KIAA1217: variants seen among roughly 807,000 people sequenced by gnomAD.
The protein encoded by KIAA1217 is KIAA1217, also known as sickle tail protein homolog.
KIAA1217 carries 88 observed loss-of-function variants against 163.9 expected under a neutral mutation model. The observed-to-expected ratio is 0.54, with a 90% CI of 0.45 to 0.64. The LOEUF (loss-of-function observed/expected upper bound fraction) is 0.64. Ranked by LOEUF, KIAA1217 falls within the 30% of genes least tolerant of loss-of-function variation. The probability of loss-of-function intolerance (pLI) is 0.00; values close to 1 mark genes in which losing one functional copy is unlikely to be tolerated. For synonymous variants in KIAA1217, 903 were observed against 923.1 expected (o/e 0.98, Z 0.39); for missense variants, 2,372 against 2,475.0 (o/e 0.96, Z 0.88).
chr10:23,970,250 T>A (rs1219666994), intron 1 of KIAA1217, among the ~76,000 whole-genome samples: 1 of 152,212 alleles, frequency 6.6e-6, no homozygotes, highest in Non-Finnish European at 1.5e-5. Context: ...TCTTAGGGAT[T>A]TATAGTTTTA....
chr10:24,001,998 C>G (rs1461023061), intron 1 of KIAA1217, among the ~76,000 whole-genome samples: 1 of 152,070 alleles, frequency 6.6e-6, no homozygotes, highest in Non-Finnish European at 1.5e-5. Flanking sequence ...TAAGCAACTG[C>G]CAGTAGTTCA....
At chr10:24,533,384 T>G in intron 16 of KIAA1217, 147 bp downstream of exon 16, 2 of 725,704 alleles carry the variant, frequency 2.8e-6, no homozygotes, top group Non-Finnish European at 4.1e-6. Flanking sequence ...TAGCCTTTGC[T>G]TTCCCAAGAT....
chr10:24,396,259 C>T (rs2055733873), intron 3 of KIAA1217, among the ~76,000 whole-genome samples: 1 of 152,038 alleles, frequency 6.6e-6, no homozygotes, highest in South Asian at 2.1e-4. Context: ...ATCACTTGAG[C>T]CCGGGAAGCG....
intron 9 of KIAA1217, 81 bp from the exon 10 acceptor site, chr10:24,513,178 G>A: frequency 1.5e-6 from 2 of 1,344,396 alleles, no homozygotes; most frequent in Non-Finnish European, 1.0e-6. Context: ...TACCCAAAGT[G>A]CTCCGAAGAC....
intron 1 of KIAA1217, among the ~76,000 whole-genome samples, chr10:23,966,698 G>C (rs1248741583): frequency 6.6e-6 from 1 of 152,218 alleles, no homozygotes; most frequent in Non-Finnish European, 1.5e-5. Context: ...CAGAGAAAGA[G>C]GAAGAAGACT....
At chr10:24,412,123 A>G (rs997956253) in intron 3 of KIAA1217, among the ~76,000 whole-genome samples, 14 of 151,982 alleles carry the variant, frequency 9.2e-5, no homozygotes, top group African/African-American at 3.1e-4. Flanking sequence ...TGTGATTTTT[A>G]TGTTTGTTAT....
chr10:24,134,266 A>G (rs1189396569), intron 2 of KIAA1217, among the ~76,000 whole-genome samples: 1 of 152,216 alleles, frequency 6.6e-6, no homozygotes, highest in African/African-American at 2.4e-5. Context: ...GCATTTTAGC[A>G]GAGCAAACAT....
chr10:24,516,053 A>G (rs1222921627), intron 10 of KIAA1217, among the ~76,000 whole-genome samples: 3 of 152,278 alleles, frequency 2.0e-5, no homozygotes, highest in African/African-American at 4.8e-5. Flanking sequence ...CATGGATATC[A>G]GAGCAAGACT....
intron 2 of KIAA1217, among the ~76,000 whole-genome samples, chr10:24,282,823 C>CTTTTTTT (rs34486953): frequency 6.5e-5 from 3 of 46,236 alleles, no homozygotes; most frequent in African/African-American, 1.8e-4. Flanking sequence ...GGTGTTGCTT[C>CTTTTTTT]TTTTTTTTTT....
At chr10:23,706,129 A>C (rs1836869721) in intron 1 of KIAA1217, among the ~76,000 whole-genome samples, 1 of 152,012 alleles carries the variant, frequency 6.6e-6, no homozygotes. Context: ...TTGCTAAACA[A>C]ATTTATTTGT....
Position 23,806,647 on chromosome 10 carries a change from A to G in KIAA1217, c.-321+111413A>G, listed in dbSNP as rs553408469. ...TCCTCTGTCATCTCTTCTAGGAATAATGATTTTTTGCTAGCCTAGTTGAAT... is the reference window on the plus strand; with the variant it reads ...TCCTCTGTCATCTCTTCTAGGAATAGTGATTTTTTGCTAGCCTAGTTGAAT... On this transcript the variant is annotated intron_variant, in intron 1 of 18. Transcript: ENST00000376462. Among the ~76,000 whole-genome samples the G allele has an allele frequency of 1.2e-4, 18 of 152,308 alleles. No individual in the cohort carries two copies. In the East Asian group the frequency reaches 3.3e-3, roughly 28 times the overall value.
chr10:24,165,672 AC>A (rs1361794999), intron 2 of KIAA1217, among the ~76,000 whole-genome samples: 1 of 152,222 alleles, frequency 6.6e-6, no homozygotes, highest in Non-Finnish European at 1.5e-5. Flanking sequence ...CCAAGTGACC[AC>A]AAGTTTATAG....
At chr10:23,698,097 C>T (rs1467964483) in intron 1 of KIAA1217, among the ~76,000 whole-genome samples, 1 of 152,134 alleles carries the variant, frequency 6.6e-6, no homozygotes, top group Non-Finnish European at 1.5e-5. Flanking sequence ...ATTGTAATTA[C>T]ATGATTTAAT....
At chr10:24,405,539 T>G (rs1460502245) in intron 3 of KIAA1217, among the ~76,000 whole-genome samples, 3 of 152,156 alleles carry the variant, frequency 2.0e-5, no homozygotes, top group Non-Finnish European at 4.4e-5. Flanking sequence ...CTAAAAGTCC[T>G]CCTATTTTCT....
chr10:24,524,227 T>G, intron 12 of KIAA1217, 96 bp from the exon 13 acceptor site: 1 of 1,307,268 alleles, frequency 7.6e-7, no homozygotes, highest in South Asian at 1.3e-5. Context: ...TTGGGATGTG[T>G]GACTCTCACC....
chr10:23,869,905 G>T (rs1366560232), intron 1 of KIAA1217, among the ~76,000 whole-genome samples: 1 of 152,102 alleles, frequency 6.6e-6, no homozygotes, highest in Non-Finnish European at 1.5e-5. Context: ...TGCATTCTGA[G>T]AAAGGAATTC....
At chr10:24,442,443 G>T in intron 5 of KIAA1217, among the ~76,000 whole-genome samples, 1 of 152,122 alleles carries the variant, frequency 6.6e-6, no homozygotes, top group Non-Finnish European at 1.5e-5. Context: ...ACATCAGTGT[G>T]GTTGACCCTT....
At chr10:23,833,532 G>A (rs1838312795) in intron 1 of KIAA1217, among the ~76,000 whole-genome samples, 1 of 149,956 alleles carries the variant, frequency 6.7e-6, no homozygotes. Context: ...GCATTTTGAT[G>A]TTTCTCTACT....
intron 1 of KIAA1217, among the ~76,000 whole-genome samples, chr10:23,711,822 G>C (rs1004235935): frequency 2.0e-5 from 3 of 152,162 alleles, no homozygotes; most frequent in Non-Finnish European, 4.4e-5. Flanking sequence ...AGGTGTCTTA[G>C]TGGAGAGAAG....
Sources: allele counts gnomAD v4.1 joint callset (sites outside exome capture counted in the v4.1 genomes callset), GRCh38; gene constraint gnomAD v4.1.1; transcripts MANE v1.5; gene names NCBI Gene and HGNC (gene_info 2026-07-23, HGNC 2026-07-21).